SLC16A12: variants seen among roughly 807,000 people sequenced by gnomAD.
SLC16A12 encodes monocarboxylate transporter 12.
SLC16A12 carries 17 observed loss-of-function variants against 42.4 expected under a neutral mutation model. That is an observed-to-expected ratio of 0.40 (90% CI 0.27 to 0.60). SLC16A12 has a LOEUF of 0.60. Ranked by LOEUF, SLC16A12 falls within the 20% of genes least tolerant of loss-of-function variation. The probability of loss-of-function intolerance (pLI) is 0.42; values close to 1 mark genes in which losing one functional copy is unlikely to be tolerated. For synonymous variants in SLC16A12, 224 were observed against 229.4 expected (o/e 0.98, Z 0.21); for missense variants, 544 against 623.0 (o/e 0.87, Z 1.35).
intron 2 of SLC16A12, among the ~76,000 whole-genome samples, chr10:89,483,403 G>A (rs555892505): frequency 3.2e-4 from 49 of 152,192 alleles, no homozygotes; most frequent in African/African-American, 1.1e-3. Context: ...CCCCAGAGTC[G>A]CCAGGGCCAG....
intron 3 of SLC16A12, among the ~76,000 whole-genome samples, chr10:89,452,933 G>A (rs1291365488): frequency 2.0e-5 from 3 of 152,192 alleles, no homozygotes; most frequent in Non-Finnish European, 4.4e-5. Flanking sequence ...AGGTGAGGGG[G>A]ACCTAAGAAC....
upstream of SLC16A12, among the ~76,000 whole-genome samples, chr10:89,537,745 A>T (rs1345790978): frequency 6.6e-6 from 1 of 152,224 alleles, no homozygotes; most frequent in Non-Finnish European, 1.5e-5. Flanking sequence ...ATGTAGGACA[A>T]CAGTTTTTAA....
intron 3 of SLC16A12, among the ~76,000 whole-genome samples, chr10:89,446,856 G>A (rs1007662088): frequency 2.0e-5 from 3 of 152,050 alleles, no homozygotes; most frequent in African/African-American, 7.2e-5. Context: ...CTGTATTCAG[G>A]AAACCCATCT....
At chr10:89,508,349 T>G (rs1843102612) in intron 2 of SLC16A12, among the ~76,000 whole-genome samples, 2 of 152,152 alleles carry the variant, frequency 1.3e-5, no homozygotes, top group Admixed American at 1.3e-4. Context: ...TCAGCAAATG[T>G]AAAAGAACAG....
At chr10:89,518,734 T>C (rs996844232) in intron 2 of SLC16A12, among the ~76,000 whole-genome samples, 3 of 152,124 alleles carry the variant, frequency 2.0e-5, no homozygotes, top group Non-Finnish European at 4.4e-5. Context: ...TACCTACTCA[T>C]AGGGTTACTC....
intron 5 of SLC16A12, among the ~76,000 whole-genome samples, 161 bp downstream of exon 5, chr10:89,440,947 T>G (rs1325047433): frequency 6.6e-6 from 1 of 152,226 alleles, no homozygotes; most frequent in Non-Finnish European, 1.5e-5. Flanking sequence ...TAATGTAATC[T>G]CATTTCCAGC....
intron 2 of SLC16A12, among the ~76,000 whole-genome samples, chr10:89,512,340 T>C (rs1006427066): frequency 6.6e-6 from 1 of 152,198 alleles, no homozygotes; most frequent in African/African-American, 2.4e-5. Flanking sequence ...TCAAATCTTG[T>C]AGGTGATGTT....
chr10:89,508,607 T>A (rs996834248), intron 2 of SLC16A12, among the ~76,000 whole-genome samples: 2 of 152,318 alleles, frequency 1.3e-5, no homozygotes, highest in South Asian at 2.1e-4. Context: ...TAGCACTAAA[T>A]GTCCACAAGA....
At chr10:89,532,692 A>C (rs1045415916) in intron 2 of SLC16A12, among the ~76,000 whole-genome samples, 9 of 152,252 alleles carry the variant, frequency 5.9e-5, no homozygotes, top group African/African-American at 2.2e-4. Flanking sequence ...AAAACTGCCA[A>C]GTTCATTTCG....
chr10:89,452,790 A>G (rs1171466273), intron 3 of SLC16A12, among the ~76,000 whole-genome samples: 1 of 152,224 alleles, frequency 6.6e-6, no homozygotes, highest in Non-Finnish European at 1.5e-5. Context: ...TCGAACTGCA[A>G]TGCAGGCCTA....
At chr10:89,532,976 C>G (rs150610826) in intron 2 of SLC16A12, among the ~76,000 whole-genome samples, 37 of 152,262 alleles carry the variant, frequency 2.4e-4, no homozygotes, top group African/African-American at 8.4e-4. Flanking sequence ...ACAAATCATC[C>G]CGTGCTTCAA....
intron 2 of SLC16A12, among the ~76,000 whole-genome samples, chr10:89,548,104 C>T (rs1843751661): frequency 6.6e-6 from 1 of 151,840 alleles, no homozygotes; most frequent in Admixed American, 6.6e-5. Context: ...TTAAATCAAA[C>T]TGCAGGTACT....
At chr10:89,447,458 C>G (rs938133066) in intron 3 of SLC16A12, among the ~76,000 whole-genome samples, 16 of 152,214 alleles carry the variant, frequency 1.1e-4, no homozygotes, top group African/African-American at 3.9e-4. Context: ...GAAACTCACT[C>G]AAAACCACTC....
intron 7 of SLC16A12, among the ~76,000 whole-genome samples, chr10:89,434,402 C>G (rs1037699578): frequency 6.6e-6 from 1 of 152,116 alleles, no homozygotes; most frequent in African/African-American, 2.4e-5. Flanking sequence ...TAGAATGACA[C>G]TGTTTCTAAA....
intron 3 of SLC16A12, among the ~76,000 whole-genome samples, chr10:89,447,323 C>T (rs1842021005): frequency 6.6e-6 from 1 of 152,198 alleles, no homozygotes; most frequent in Admixed American, 6.5e-5. Flanking sequence ...AGTACCACAT[C>T]ACACTTATTC....
rs370150531 is a variant in SLC16A12 at position 89,438,719 on chromosome 10, C to A, written c.913G>T (p.Val305Leu). 1.2e-6 allele frequency: 2 copies of A among 1,614,006 alleles called. No homozygotes were observed. The highest frequency in any genetic ancestry group is 2.7e-5 in the African/African-American group (2 of 74,896). Residue 305 changes from valine (V) to leucine (L), a missense_variant, in exon 6 of 8, where the codon GTG becomes TTG. Transcript: ENST00000371790. ...ACTCCAACACTCAAAGCATAAGGCA[C>A]CAAGTACACAAAGAGAGGGCTGCAG... ...YGCSPLFVYL[V>L]PYALSVGVSH... is the part of the protein sequence containing the mutation.
chr10:89,512,816 CT>C, intron 2 of SLC16A12, among the ~76,000 whole-genome samples: 3 of 152,156 alleles, frequency 2.0e-5, no homozygotes, highest in Non-Finnish European at 2.9e-5. Context: ...GGGTTGGAAC[CT>C]CTGATTTAAA....
chr10:89,533,178 T>C (rs1170511723), intron 2 of SLC16A12, among the ~76,000 whole-genome samples: 1 of 151,998 alleles, frequency 6.6e-6, no homozygotes, highest in African/African-American at 2.4e-5. Context: ...GTTTTTTTTT[T>C]TTCCATGATT....
chr10:89,541,410 C>T (rs1334628584), intron 2 of SLC16A12, among the ~76,000 whole-genome samples: 3 of 152,086 alleles, frequency 2.0e-5, no homozygotes, highest in Non-Finnish European at 4.4e-5. Flanking sequence ...GCCTAGGCAA[C>T]ATACTGAGAC....
Sources: allele counts gnomAD v4.1 joint callset (sites outside exome capture counted in the v4.1 genomes callset), GRCh38; gene constraint gnomAD v4.1.1; transcripts MANE v1.5; gene names NCBI Gene and HGNC (gene_info 2026-07-23, HGNC 2026-07-21).